Variants in SLC25A33 observed in about 807,000 individuals in gnomAD.
SLC25A33 encodes bone marrow stromal cell mitochondrial carrier protein.
A neutral mutation model predicts 35.5 loss-of-function variants in SLC25A33; 15 were observed. The observed-to-expected ratio is 0.42, with a 90% CI of 0.28 to 0.65. The LOEUF is 0.65. Among genes scored for constraint, SLC25A33 ranks in the 30% least tolerant of loss-of-function variants. SLC25A33 has a pLI of 0.20. For synonymous variants in SLC25A33, 136 were observed against 148.7 expected (o/e 0.91, Z 0.62); for missense variants, 257 against 398.5 (o/e 0.64, Z 3.02).
chr1:9,552,910 CTTT>C (rs58092940), intron 1 of SLC25A33, among the ~76,000 whole-genome samples: 981 of 94,146 alleles, frequency 0.01, 6 homozygotes, highest in African/African-American at 0.04. Flanking sequence ...GGGATTTCAA[CTTT>C]TTTTTTTTTT....
At chr1:9,547,354 T>C (rs1242499155) in intron 1 of SLC25A33, among the ~76,000 whole-genome samples, 1 of 151,728 alleles carries the variant, frequency 6.6e-6, no homozygotes, top group Non-Finnish European at 1.5e-5. Flanking sequence ...CCCCGGAGGC[T>C]GAGGCAGGAG....
chr1:9,553,878 A>C, intron 2 of SLC25A33, 73 bp downstream of exon 2: 1 of 1,461,370 alleles, frequency 6.8e-7, no homozygotes, highest in Non-Finnish European at 9.4e-7. Context: ...ATGTTCATCA[A>C]GCTTATCAAA....
rs745927630 is a variant in SLC25A33, at chr1:9,582,519, C to T, written c.*18C>T. The T allele has an allele frequency of 6.3e-7, 1 of 1,591,582 alleles. No individual in the cohort carries two copies. The highest frequency in any genetic ancestry group is 8.6e-7 in the Non-Finnish European group (1 of 1,166,578). ...CTCAGTAACAGGCCGGAAAATTGTG[C>T]TCTAGAAGAATAAAACTGAAAAACT... is the stretch of plus-strand genomic sequence containing the variant. On this transcript the variant is annotated 3_prime_UTR_variant, in exon 7 of 7. Coordinates refer to ENST00000302692, the MANE Select transcript of SLC25A33 (RefSeq NM_032315.3). The surrounding 1 kb of genome is among the most constrained non-coding windows in gnomAD (Gnocchi z 4.0).
intron 2 of SLC25A33, among the ~76,000 whole-genome samples, chr1:9,556,775 A>G (rs1408036721): frequency 6.6e-6 from 1 of 151,898 alleles, no homozygotes; most frequent in Non-Finnish European, 1.5e-5. Flanking sequence ...TAAAATTTAA[A>G]TCAAAGGAAA....
chr1:9,571,961 C>T (rs987469005), intron 4 of SLC25A33, among the ~76,000 whole-genome samples: 4 of 152,140 alleles, frequency 2.6e-5, no homozygotes, highest in Non-Finnish European at 5.9e-5. Context: ...TTTTAGAGAA[C>T]TTAAATTGGC....
At position 9,566,713 on chromosome 1, in the gene SLC25A33, G is replaced by A. The variant is rs182142357; in HGVS notation, c.237-571G>A. 4.0e-3 allele frequency among the ~76,000 whole-genome samples: 616 copies of A among 152,250 alleles called. 3 individuals are homozygous for A. The highest frequency in any genetic ancestry group is 0.014 in the Middle Eastern group (4 of 294). On this transcript the variant is annotated intron_variant, in intron 2 of 6. Transcript: ENST00000302692. ...AATATAAAGTTAGCTGAGCGTGGTG[G>A]TGCATGCCTTTAATCCCAGTTACTC...
rs545477928 is a variant in SLC25A33, at chr1:9,584,554, C to A, written c.*2053C>A. The A allele has an allele frequency of 3.9e-5, 6 of 152,398 alleles. No individual in the cohort carries two copies. The highest frequency in any genetic ancestry group is 1.4e-4 in the African/African-American group (6 of 41,588). The allele number at this position is 152,398 out of a possible 1,614,324, so 9.4% of individuals were successfully genotyped here. A position where few individuals can be genotyped will look rare whatever the true frequency, so the allele number is the denominator to read the frequency against. On this transcript the variant is annotated 3_prime_UTR_variant, in exon 7 of 7. Coordinates refer to ENST00000302692, the MANE Select transcript of SLC25A33 (RefSeq NM_032315.3). ...AGCTGGGACTACAGGCATGCGCCAC[C>A]ACACCTGGCTAATTTTGTATTTTTA... is the stretch of plus-strand genomic sequence containing the variant.
At chr1:9,541,268 C>T (rs1481145802) in intron 1 of SLC25A33, among the ~76,000 whole-genome samples, 2 of 151,832 alleles carry the variant, frequency 1.3e-5, no homozygotes, top group African/African-American at 2.4e-5. Context: ...ATTCTCCTGT[C>T]TCAGCCTCCC....
intron 1 of SLC25A33, among the ~76,000 whole-genome samples, chr1:9,549,027 T>C (rs1008202826): frequency 5.9e-5 from 9 of 152,068 alleles, no homozygotes; most frequent in African/African-American, 2.2e-4. Flanking sequence ...GGGCTACAGA[T>C]TGAGAGAGCT....
rs1557526471 is a variant in SLC25A33, at chr1:9,553,210, T to TG, written c.57-416_57-415insG. 5.2e-5 allele frequency among the ~76,000 whole-genome samples: 7 copies of TG among 134,136 alleles called. No individual in the cohort carries two copies. In the East Asian group the frequency reaches 6.3e-4, roughly 12 times the overall value. The allele number at this position is 134,136 out of a possible 152,430, so 88.0% of individuals were successfully genotyped here. A position where few individuals can be genotyped will look rare whatever the true frequency, so the allele number is the denominator to read the frequency against. On this transcript the variant is annotated intron_variant, in intron 1 of 6. Coordinates refer to ENST00000302692, the MANE Select transcript of SLC25A33 (RefSeq NM_032315.3). ...TTATTGTGTTCTAGTTTTGTTTTTT[T>TG]TTTTTTTTTTTTTTTTTGGGTTTTT...
chr1:9,581,595 G>A (rs1643745388), intron 6 of SLC25A33, among the ~76,000 whole-genome samples: 1 of 152,062 alleles, frequency 6.6e-6, no homozygotes, highest in African/African-American at 2.4e-5. Context: ...TGGGTGTGGT[G>A]GCAGGTGCCT....
In SLC25A33 at chr1:9,582,995, C is replaced by T. The variant is rs766237313; in HGVS notation, c.*494C>T. The T allele has an allele frequency of 1.0e-4, 16 of 153,158 alleles. No homozygotes were observed. Among genetic ancestry groups the T allele is most frequent in the Non-Finnish European group, 2.0e-4 (14 of 68,736 alleles). 9.5% of individuals were successfully genotyped at this position (153,158 alleles called of 1,614,324 possible). A position where few individuals can be genotyped will look rare whatever the true frequency, so the allele number is the denominator to read the frequency against. ...ATCCCAGCACTTTGGGAGGCCGAGG[C>T]AGATGGATCACGTGAAGTCAGGAGT... On this transcript the variant is annotated 3_prime_UTR_variant, in exon 7 of 7. Transcript: ENST00000302692. This position sits in a 1 kb window ranked among gnomAD's most constrained non-coding sequence, Gnocchi z 4.0.
chr1:9,573,335 T>G lies in SLC25A33; in HGVS notation c.416-11T>G, dbSNP rs1296125186. On this transcript the variant is annotated splice_polypyrimidine_tract_variant and intron_variant, in intron 4 of 6. Coordinates refer to ENST00000302692, the MANE Select transcript of SLC25A33 (RefSeq NM_032315.3). ...TACAGTGTTGACCTTTACTGTTTTTTTTTTTTCCAGCTTTTATCACAAATT... is the reference window on the plus strand; with the variant it reads ...TACAGTGTTGACCTTTACTGTTTTTGTTTTTTCCAGCTTTTATCACAAATT... The G allele has an allele frequency of 7.5e-6, 12 of 1,597,672 alleles. No individual in the cohort carries two copies. Among genetic ancestry groups the G allele is most frequent in the Non-Finnish European group, 9.4e-6 (11 of 1,169,566 alleles).
rs921591555 is a variant in SLC25A33 at position 9,578,810 on chromosome 1, C to T, written c.483-1144C>T. Among the ~76,000 whole-genome samples, 3 of 152,176 alleles carry T rather than the reference C, an allele frequency of 2.0e-5. No homozygotes were observed. Among genetic ancestry groups the T allele is most frequent in the African/African-American group, 7.2e-5 (3 of 41,436 alleles). ...TTACCTTTAACTTAGTCCTGTTTTC[C>T]ACTGAAAGCATTCCCTGTGTCTCAC... On this transcript the variant is annotated intron_variant, in intron 5 of 6. Transcript: ENST00000302692. This position sits in a 1 kb window ranked among gnomAD's most constrained non-coding sequence, Gnocchi z 4.3.
chr1:9,564,739 A>AAATATATATATATATAT (rs60174872), intron 2 of SLC25A33, among the ~76,000 whole-genome samples: 2 of 96,540 alleles, frequency 2.1e-5, no homozygotes, highest in African/African-American at 8.8e-5. Context: ...AAAAAAAAAA[A>AAATATATATATATATAT]ATATATATAT....
At chr1:9,575,488 G>A (rs1360683756) in intron 5 of SLC25A33, among the ~76,000 whole-genome samples, 1 of 152,022 alleles carries the variant, frequency 6.6e-6, no homozygotes, top group Non-Finnish European at 1.5e-5. Context: ...GGTGGTGGGC[G>A]CCTGTAATCC....
chr1:9,541,552 A>G (rs1569835721), intron 1 of SLC25A33, among the ~76,000 whole-genome samples: 1 of 152,140 alleles, frequency 6.6e-6, no homozygotes, highest in Admixed American at 6.6e-5. Context: ...TGGCCTCCCA[A>G]ATTGCTGGGA....
At chr1:9,572,971 A>G (rs914580553) in intron 4 of SLC25A33, among the ~76,000 whole-genome samples, 5 of 152,208 alleles carry the variant, frequency 3.3e-5, no homozygotes, top group African/African-American at 1.2e-4. Context: ...TCATATAACC[A>G]AATAAGCAGA....
At chr1:9,542,399 A>G (rs1439356522) in intron 1 of SLC25A33, among the ~76,000 whole-genome samples, 1 of 152,174 alleles carries the variant, frequency 6.6e-6, no homozygotes, top group Non-Finnish European at 1.5e-5. Flanking sequence ...CTTGGCAGCA[A>G]TTGGAGACTC....
Sources: allele counts gnomAD v4.1 joint callset (sites outside exome capture counted in the v4.1 genomes callset), GRCh38; gene constraint gnomAD v4.1.1; non-coding constraint Gnocchi (gnomAD v3.1); transcripts MANE v1.5; gene names NCBI Gene and HGNC (gene_info 2026-07-23, HGNC 2026-07-21).